Variants in TMEM178A observed in about 807,000 individuals in gnomAD.
TMEM178A encodes the protein transmembrane protein 178.
TMEM178A carries 12 observed loss-of-function variants against 29.1 expected under a neutral mutation model. The ratio of observed to expected loss-of-function variants is 0.41; its 90% confidence interval spans 0.26 to 0.67. TMEM178A has a LOEUF of 0.67. Among genes scored for constraint, TMEM178A ranks in the 30% least tolerant of loss-of-function variants. TMEM178A has a pLI of 0.29. For synonymous variants in TMEM178A, 210 were observed against 187.2 expected (o/e 1.12, Z -0.99); for missense variants, 366 against 419.1 (o/e 0.87, Z 1.11).
At chr2:39,688,846 C>G (rs1420426938) in intron 1 of TMEM178A, among the ~76,000 whole-genome samples, 1 of 152,202 alleles carries the variant, frequency 6.6e-6, no homozygotes, top group Non-Finnish European at 1.5e-5. Context: ...TGAAGTCCAG[C>G]TTGAAAGGAG....
chr2:39,672,310 G>A (rs1422616779), intron 1 of TMEM178A, among the ~76,000 whole-genome samples: 6 of 152,182 alleles, frequency 3.9e-5, no homozygotes, highest in Non-Finnish European at 8.8e-5. Context: ...CAGAATCAAT[G>A]ACATTTTCAT....
chr2:39,721,904 T>C (rs1672712732), downstream of TMEM178A, among the ~76,000 whole-genome samples: 1 of 144,698 alleles, frequency 6.9e-6, no homozygotes, highest in South Asian at 2.1e-4. Context: ...GGCAGGAGGA[T>C]TGCTTGAGTC....
intron 1 of TMEM178A, among the ~76,000 whole-genome samples, chr2:39,699,602 G>A (rs1269841024): frequency 1.3e-5 from 2 of 151,238 alleles, no homozygotes; most frequent in African/African-American, 2.4e-5. Flanking sequence ...GACTACAGGT[G>A]CGTGCCATCA....
chr2:39,723,480 A>G, the TMEM178A span, among the ~76,000 whole-genome samples: 1 of 152,224 alleles, frequency 6.6e-6, no homozygotes, highest in Non-Finnish European at 1.5e-5. Context: ...GTGGAGCCAT[A>G]TTATTGTTAA....
the TMEM178A span, among the ~76,000 whole-genome samples, chr2:39,724,363 C>T: frequency 6.6e-6 from 1 of 152,124 alleles, no homozygotes; most frequent in African/African-American, 2.4e-5. Flanking sequence ...GTCCTTTCTC[C>T]CTGACTGTCT....
the TMEM178A span, among the ~76,000 whole-genome samples, chr2:39,727,390 A>G: frequency 6.6e-6 from 1 of 152,242 alleles, no homozygotes; most frequent in African/African-American, 2.4e-5. Flanking sequence ...ATGAACATGC[A>G]CTAAAAAAAC....
chr2:39,718,260 C>G (rs562784491), downstream of TMEM178A, among the ~76,000 whole-genome samples: 4 of 152,062 alleles, frequency 2.6e-5, no homozygotes, highest in South Asian at 4.2e-4. Context: ...TACCATCTGC[C>G]TGGTATGTAT....
Position 39,717,329 on chromosome 2 carries a change from G to A in TMEM178A, c.*78G>A, listed in dbSNP as rs1672591296. On this transcript the variant is annotated 3_prime_UTR_variant, in exon 4 of 4. Transcript: ENST00000281961. The stretch of plus-strand genomic sequence containing the variant: ...CGGAGTTCAGGAGTCCAAGCACAAA[G>A]CGGTCTTTTACATTCCAACCTGTTG... The A allele has an allele frequency of 3.9e-6, 6 of 1,526,226 alleles. No homozygotes were observed. The highest frequency in any genetic ancestry group is 5.3e-6 in the Non-Finnish European group (6 of 1,137,284). The allele number at this position is 1,526,226 out of a possible 1,614,324, so 94.5% of individuals were successfully genotyped here. A position where few individuals can be genotyped will look rare whatever the true frequency, so the allele number is the denominator to read the frequency against.
At chr2:39,723,725 G>A in the TMEM178A span, among the ~76,000 whole-genome samples, 2 of 152,130 alleles carry the variant, frequency 1.3e-5, no homozygotes, top group Non-Finnish European at 2.9e-5. Flanking sequence ...GGCTCACAGA[G>A]GTTGAGTAAC....
chr2:39,691,792 T>A (rs1433666684), intron 1 of TMEM178A, among the ~76,000 whole-genome samples: 2 of 151,626 alleles, frequency 1.3e-5, no homozygotes, highest in Non-Finnish European at 2.9e-5. Context: ...TTTTTATATA[T>A]AGATATATAA....
chr2:39,679,950 G>A (rs1670797230), intron 1 of TMEM178A, among the ~76,000 whole-genome samples: 1 of 152,046 alleles, frequency 6.6e-6, no homozygotes, highest in Admixed American at 6.5e-5. Context: ...AGAATCACGT[G>A]GGGTGTGAGG....
At chr2:39,724,833 T>C in the TMEM178A span, among the ~76,000 whole-genome samples, 1 of 152,198 alleles carries the variant, frequency 6.6e-6, no homozygotes, top group African/African-American at 2.4e-5. Context: ...AGGTAGATTT[T>C]GAGGTCAGCA....
chr2:39,675,213 A>G (rs1312454686), intron 1 of TMEM178A, among the ~76,000 whole-genome samples: 1 of 152,112 alleles, frequency 6.6e-6, no homozygotes, highest in Non-Finnish European at 1.5e-5. Flanking sequence ...CTTCATCCAG[A>G]TCATGCATTT....
At chr2:39,707,216 C>T in intron 3 of TMEM178A, 30 bp downstream of exon 3, 1 of 1,586,386 alleles carries the variant, frequency 6.3e-7, no homozygotes, top group South Asian at 1.2e-5. Flanking sequence ...CCGTCTGTCC[C>T]AGCCAAGGTG....
chr2:39,681,578 G>T (rs1670872256), intron 1 of TMEM178A, among the ~76,000 whole-genome samples: 1 of 152,132 alleles, frequency 6.6e-6, no homozygotes, highest in South Asian at 2.1e-4. Flanking sequence ...TCTTGATTTG[G>T]AAATATGTTT....
chr2:39,689,172 C>A (rs923669020), intron 1 of TMEM178A, among the ~76,000 whole-genome samples: 1 of 152,102 alleles, frequency 6.6e-6, no homozygotes, highest in Non-Finnish European at 1.5e-5. Flanking sequence ...TGGAAGGGAC[C>A]AACAGTATAT....
At chr2:39,720,900 C>T (rs966339514), downstream of TMEM178A, among the ~76,000 whole-genome samples, 2 of 152,194 alleles carry the variant, frequency 1.3e-5, no homozygotes, top group Admixed American at 6.5e-5. Context: ...TTAACCCAAA[C>T]CAACCTAGAC....
At chr2:39,667,668 A>G (rs1670230481) in intron 1 of TMEM178A, among the ~76,000 whole-genome samples, 1 of 152,194 alleles carries the variant, frequency 6.6e-6, no homozygotes, top group Admixed American at 6.5e-5. Context: ...TTTCTCAAAC[A>G]TGTCAACTTC....
At chr2:39,684,430 G>A (rs1186643968) in intron 1 of TMEM178A, among the ~76,000 whole-genome samples, 5 of 152,196 alleles carry the variant, frequency 3.3e-5, no homozygotes, top group Non-Finnish European at 5.9e-5. Context: ...TTATGCTAAT[G>A]TATACACAAA....
Sources: allele counts gnomAD v4.1 joint callset (sites outside exome capture counted in the v4.1 genomes callset), GRCh38; gene constraint gnomAD v4.1.1; transcripts MANE v1.5; gene names NCBI Gene and HGNC (gene_info 2026-07-23, HGNC 2026-07-21).